The following PIEZO2 variants were observed in gnomAD, a reference collection of about 807,000 sequenced individuals.
PIEZO2 encodes the protein piezo-type mechanosensitive ion channel component 2.
Under a neutral mutation model 337.3 loss-of-function variants are expected in PIEZO2, and 172 were observed. The observed-to-expected ratio is 0.51, with a 90% confidence interval of 0.45 to 0.58. The LOEUF (loss-of-function observed/expected upper bound fraction) is 0.58, where lower values mean the gene tolerates loss of function less well. Ranked by LOEUF, PIEZO2 falls within the 20% of genes least tolerant of loss-of-function variation. PIEZO2 has a pLI of 0.00. For synonymous variants in PIEZO2, 1,251 were observed against 1,228.5 expected (o/e 1.02, Z -0.38); for missense variants, 3,028 against 3,391.3 (o/e 0.89, Z 2.66).
rs1162546084 is a variant in PIEZO2 at position 10,763,072 on chromosome 18, C to T, written c.2973G>A (p.Leu991=). 3.3e-6 allele frequency: 5 copies of T among 1,537,042 alleles called. No individual in the cohort carries two copies. Among genetic ancestry groups the T allele is most frequent in the Non-Finnish European group, 4.4e-6 (5 of 1,146,892 alleles). The change falls in exon 22 of 56, where the codon TTG becomes TTA. Residue 991 remains leucine, a synonymous_variant. Transcript: ENST00000674853. ...KEVSLFNYVF[L]ISWAFALPYA... ...ACGGCAGAGCAAAAGCCCAAGAAAT[C>T]AAAAATACATAGTTGAACAGAGACA...
At chr18:10,875,407 G>A (rs2042244782) in intron 4 of PIEZO2, among the ~76,000 whole-genome samples, 1 of 151,958 alleles carries the variant, frequency 6.6e-6, no homozygotes, top group South Asian at 2.1e-4. Context: ...CCATTAGAAT[G>A]AGAAAAAATG....
At chr18:10,857,509 A>C (rs1167758012) in intron 5 of PIEZO2, among the ~76,000 whole-genome samples, 3 of 152,068 alleles carry the variant, frequency 2.0e-5, no homozygotes, top group Non-Finnish European at 2.9e-5. Context: ...TGAAACATCT[A>C]TTAACAAGTT....
chr18:11,106,418 C>CTT (rs539595699), intron 1 of PIEZO2, among the ~76,000 whole-genome samples: 14 of 129,600 alleles, frequency 1.1e-4, no homozygotes, highest in African/African-American at 1.9e-4. Context: ...TTTCCTCTCT[C>CTT]TTTTTTTTTT....
In PIEZO2 at chr18:10,698,626, C is replaced by A. The variant is rs7236390; in HGVS notation, c.6694+299G>T. On this transcript the variant is annotated intron_variant, in intron 44 of 55. Transcript: ENST00000674853. Reference sequence around the variant, plus strand: ...CCCTGCAGATTTTTCGCATGTAACACAAATAAATTATCATGAGCCTGGCGT... The same window carrying A: ...CCCTGCAGATTTTTCGCATGTAACAAAAATAAATTATCATGAGCCTGGCGT... Among the ~76,000 whole-genome samples the A allele has an allele frequency of 0.3, 45,183 of 152,112 alleles. 7,559 individuals are homozygous for A. Among genetic ancestry groups the A allele is most frequent in the East Asian group, 0.54 (2,778 of 5,184 alleles).
rs778278402 is a variant in PIEZO2 at position 11,110,536 on chromosome 18, A to G, written c.64+37989T>C. Among the ~76,000 whole-genome samples, 3 of 152,170 alleles carry G rather than the reference A, an allele frequency of 2.0e-5. No individual in the cohort carries two copies. Among genetic ancestry groups the G allele is most frequent in the African/African-American group, 4.8e-5 (2 of 41,442 alleles). On this transcript the variant is annotated intron_variant, in intron 1 of 55. Coordinates refer to ENST00000674853, the MANE Select transcript of PIEZO2 (RefSeq NM_001378183.1). The surrounding 1 kb of genome is among the most constrained non-coding windows in gnomAD (Gnocchi z 4.2). ...GTGTCTGGGCCTTTCCTCAAACAAC[A>G]AAGACACAGCAGAGCGGGGGAGTGG...
intron 1 of PIEZO2, among the ~76,000 whole-genome samples, chr18:11,076,684 T>C (rs2038559683): frequency 1.3e-5 from 2 of 152,212 alleles, no homozygotes; most frequent in African/African-American, 4.8e-5. Context: ...GCAGTATATA[T>C]ATAACTTCAC....
chr18:10,994,042 G>T (rs185377021), intron 2 of PIEZO2, among the ~76,000 whole-genome samples: 12 of 152,196 alleles, frequency 7.9e-5, no homozygotes, highest in Admixed American at 7.8e-4. Flanking sequence ...AAAGTCTATT[G>T]TATCATTCTT....
chr18:10,699,284 AG>A, intron 43 of PIEZO2, 107 bp from the exon 44 acceptor site: 1 of 1,431,508 alleles, frequency 7.0e-7, no homozygotes. Flanking sequence ...AGATTAGAAA[AG>A]CAAGATGATA....
At chr18:10,880,811 A>G (rs186416721) in intron 4 of PIEZO2, among the ~76,000 whole-genome samples, 2,034 of 133,482 alleles carry the variant, frequency 0.015, 57 homozygotes, top group African/African-American at 0.052. Context: ...AAATGGTAAG[A>G]CCCCTGATTT....
In PIEZO2 at chr18:11,099,091, A is replaced by G. The variant is rs2039340990; in HGVS notation, c.65-32869T>C. Among the ~76,000 whole-genome samples, 1 of 151,832 alleles carries G rather than the reference A, an allele frequency of 6.6e-6. No individual in the cohort carries two copies. The highest frequency in any genetic ancestry group is 6.6e-5 in the Admixed American group (1 of 15,210). ...AGTGCTGGGATTACAGGCATCAGCC[A>G]CTGCACCTGGCCTTTTAAAAAGACT... is the stretch of plus-strand genomic sequence containing the variant. On this transcript the variant is annotated intron_variant, in intron 1 of 55. Coordinates refer to ENST00000674853, the MANE Select transcript of PIEZO2 (RefSeq NM_001378183.1). This position sits in a 1 kb window ranked among gnomAD's most constrained non-coding sequence, Gnocchi z 5.4.
chr18:11,116,026 A>G lies in PIEZO2; in HGVS notation c.64+32499T>C, dbSNP rs2039878720. Among the ~76,000 whole-genome samples, 1 of 152,252 alleles carries G rather than the reference A, an allele frequency of 6.6e-6. No homozygotes were observed. Among genetic ancestry groups the G allele is most frequent in the Non-Finnish European group, 1.5e-5 (1 of 68,040 alleles). ...CTGGTTTGGGAGAAACTTCTCAAAC[A>G]TGTTTTAGGAGGAAACATTAGTAAT... is the stretch of plus-strand genomic sequence containing the variant. On this transcript the variant is annotated intron_variant, in intron 1 of 55. Transcript: ENST00000674853. This position sits in a 1 kb window ranked among gnomAD's most constrained non-coding sequence, Gnocchi z 5.0.
At chr18:11,050,524 T>TAC (rs56107549) in intron 2 of PIEZO2, among the ~76,000 whole-genome samples, 2,108 of 149,038 alleles carry the variant, frequency 0.014, 40 homozygotes, top group African/African-American at 0.041. Context: ...GTGTTTATTT[T>TAC]ACACACACAC....
intron 45 of PIEZO2, among the ~76,000 whole-genome samples, chr18:10,696,903 T>G (rs1434578670): frequency 6.6e-6 from 1 of 152,186 alleles, no homozygotes; most frequent in Non-Finnish European, 1.5e-5. Context: ...CCTCTGTGTT[T>G]AGTTTTCTCA....
At chr18:11,049,630 G>C (rs1393790056) in intron 2 of PIEZO2, among the ~76,000 whole-genome samples, 1 of 152,158 alleles carries the variant, frequency 6.6e-6, no homozygotes, top group Admixed American at 6.5e-5. Context: ...CGTGGTGGAA[G>C]GTAACTGAAT....
At chr18:11,034,546 G>A (rs2145778498) in intron 2 of PIEZO2, among the ~76,000 whole-genome samples, 1 of 152,266 alleles carries the variant, frequency 6.6e-6, no homozygotes, top group South Asian at 2.1e-4. Flanking sequence ...GCCCGCCTCG[G>A]CCTCCCAAAG....
intron 2 of PIEZO2, among the ~76,000 whole-genome samples, chr18:10,981,042 C>T (rs574771792): frequency 6.6e-6 from 1 of 152,248 alleles, no homozygotes; most frequent in African/African-American, 2.4e-5. Flanking sequence ...TGTTCTCTTC[C>T]TGACAGCCTG....
chr18:10,956,900 C>T (rs35472751), intron 3 of PIEZO2, among the ~76,000 whole-genome samples: 16,650 of 146,472 alleles, frequency 0.11, 1,171 homozygotes, highest in Admixed American at 0.17. Context: ...ACCCAGGAGG[C>T]GGAGGCTGCA....
At chr18:10,790,180 T>C (rs779145824) in intron 14 of PIEZO2, among the ~76,000 whole-genome samples, 30 of 152,210 alleles carry the variant, frequency 2.0e-4, no homozygotes, top group Admixed American at 1.4e-3. Context: ...CAGGCAAGAT[T>C]TGAATCTTAT....
At chr18:10,745,343 C>T (rs901657496) in intron 30 of PIEZO2, among the ~76,000 whole-genome samples, 3 of 152,110 alleles carry the variant, frequency 2.0e-5, no homozygotes, top group Non-Finnish European at 4.4e-5. Context: ...TCAAGTCTTG[C>T]TAACCTTAAA....
Sources: allele counts gnomAD v4.1 joint callset (sites outside exome capture counted in the v4.1 genomes callset), GRCh38; gene constraint gnomAD v4.1.1; non-coding constraint Gnocchi (gnomAD v3.1); transcripts MANE v1.5; gene names NCBI Gene and HGNC (gene_info 2026-07-23, HGNC 2026-07-21).